The following RANBP3 variants were observed in gnomAD, a reference collection of about 807,000 sequenced individuals.
The protein encoded by RANBP3 is ran-binding protein 3.
In RANBP3, 14 loss-of-function variants were observed where a neutral mutation model predicts 77.3. That is an observed-to-expected ratio of 0.18 (90% CI 0.12 to 0.28). The LOEUF (loss-of-function observed/expected upper bound fraction) is 0.28, where lower values mean the gene tolerates loss of function less well. RANBP3 is among the 10% of genes least tolerant of loss of function. The pLI is 1.00. For missense variants in RANBP3, 586 were observed against 752.3 expected (o/e 0.78, Z 2.59); for synonymous variants, 315 against 312.4 (o/e 1.01, Z -0.09).
At position 5,941,813 on chromosome 19, in the gene RANBP3, G is replaced by A. The variant is rs775299113; in HGVS notation, c.305C>T (p.Pro102Leu). Residue 102 changes from proline (P) to leucine (L), a missense_variant, in exon 4 of 17, where the codon CCT (proline) becomes CTT (leucine). Pro to Leu is a moderately conservative substitution (Grantham distance 98). This residue lies in a region of RANBP3 where 172 missense variants were observed against 183.4 expected (regional missense o/e 0.94). Transcript: ENST00000340578. Reference sequence around the variant, plus strand: ...GAGCTCCTTACCTTCTCCGCCTTCAGGACTGGAGCCGCCAGCTGACCTCTG... The same window carrying A: ...GAGCTCCTTACCTTCTCCGCCTTCAAGACTGGAGCCGCCAGCTGACCTCTG... ...LAGRSAGGSS[P>L]EGGEDSDRED... 9.9e-6 allele frequency: 16 copies of A among 1,612,108 alleles called. No homozygotes were observed. Among genetic ancestry groups the A allele is most frequent in the African/African-American group, 1.3e-5 (1 of 74,846 alleles).
intron 1 of RANBP3, among the ~76,000 whole-genome samples, chr19:5,971,210 G>A (rs2058526459): frequency 6.6e-6 from 1 of 151,998 alleles, no homozygotes; most frequent in Non-Finnish European, 1.5e-5. Context: ...CTCCAGAAAG[G>A]TTTAGTTAAA....
chr19:5,931,649 C>T (rs2057993500), intron 7 of RANBP3, 118 bp from the exon 8 acceptor site: 4 of 1,051,754 alleles, frequency 3.8e-6, no homozygotes, highest in South Asian at 2.2e-5. Context: ...GTAAAGCCCA[C>T]AGCACATGTC....
chr19:5,977,704 C>T (rs1018334299), intron 1 of RANBP3, among the ~76,000 whole-genome samples: 3 of 152,244 alleles, frequency 2.0e-5, no homozygotes, highest in African/African-American at 7.2e-5. Context: ...GGGCCACAAC[C>T]AGGCCCTAAG....
intron 15 of RANBP3, 110 bp downstream of exon 15, chr19:5,918,386 A>ACGGGGGGGGGGGGGGGGGGGGGG: frequency 1.6e-6 from 1 of 617,696 alleles, no homozygotes; most frequent in Non-Finnish European, 2.5e-6. Flanking sequence ...GAAGCAACTG[A>ACGGGGGGGGGGGGGGGGGGGGGG]AGCCCCTCCC....
chr19:5,975,614 C>G (rs577410371), intron 1 of RANBP3, among the ~76,000 whole-genome samples: 7 of 148,228 alleles, frequency 4.7e-5, no homozygotes, highest in Non-Finnish European at 1.0e-4. Context: ...AATCCCTGAC[C>G]TCATGGAGCT....
Position 5,942,245 on chromosome 19 carries a change from C to T in RANBP3, c.283-410G>A, listed in dbSNP as rs150220751. On this transcript the variant is annotated intron_variant, in intron 3 of 16. Transcript: ENST00000340578. ...CTTGTGTAAAATGGTCACATCACAC[C>T]GGATAGGAGCGATTTCCCTTCCTTG... 8.1e-4 allele frequency among the ~76,000 whole-genome samples: 124 copies of T among 152,242 alleles called. No homozygotes were observed. The Middle Eastern group carries it at 0.024, about 29-fold the overall frequency.
intron 3 of RANBP3, among the ~76,000 whole-genome samples, chr19:5,949,147 C>T (rs4807825): frequency 0.71 from 107,343 of 152,058 alleles, 38,207 homozygotes; most frequent in Admixed American, 0.79. Context: ...CTAGATGTGA[C>T]GGATGAGACC....
At chr19:5,934,701 G>A (rs1276113228) in intron 5 of RANBP3, among the ~76,000 whole-genome samples, 1 of 152,094 alleles carries the variant, frequency 6.6e-6, no homozygotes, top group Non-Finnish European at 1.5e-5. Flanking sequence ...AGGCATGGTG[G>A]TACATGCCTG....
At chr19:5,966,681 G>C (rs538395605) in intron 1 of RANBP3, among the ~76,000 whole-genome samples, 1 of 152,344 alleles carries the variant, frequency 6.6e-6, no homozygotes, top group African/African-American at 2.4e-5. Context: ...AAACTAAATA[G>C]AAGAAACTAC....
At chr19:5,947,070 T>C (rs1368644556) in intron 3 of RANBP3, among the ~76,000 whole-genome samples, 1 of 151,912 alleles carries the variant, frequency 6.6e-6, no homozygotes, top group Non-Finnish European at 1.5e-5. Context: ...TCCCAGCACT[T>C]TGGGAGGCCT....
chr19:5,938,110 C>T (rs2058089563), intron 5 of RANBP3, among the ~76,000 whole-genome samples: 1 of 152,150 alleles, frequency 6.6e-6, no homozygotes, highest in Non-Finnish European at 1.5e-5. Flanking sequence ...TGAAACGGGG[C>T]CATCAACTCA....
intron 5 of RANBP3, among the ~76,000 whole-genome samples, chr19:5,939,297 G>A (rs914429480): frequency 6.6e-6 from 1 of 152,200 alleles, no homozygotes; most frequent in African/African-American, 2.4e-5. Context: ...CATGCAACCA[G>A]GCCCTGCTTG....
chr19:5,930,864 C>T (rs1385709992), intron 8 of RANBP3, among the ~76,000 whole-genome samples: 8 of 152,150 alleles, frequency 5.3e-5, no homozygotes, highest in Admixed American at 2.6e-4. Context: ...CTACCGTGTC[C>T]GGCCTAAACA....
rs544710163 is a variant in RANBP3 at position 5,966,159 on chromosome 19, C to G, written c.23-8186G>C. ...TCAGAGCTACAACACATACACTCTT[C>G]CCTTTAGAGAAATGACAGCAGGAAT... is the stretch of plus-strand genomic sequence containing the variant. On this transcript the variant is annotated intron_variant, in intron 1 of 16. Coordinates refer to ENST00000340578, the MANE Select transcript of RANBP3 (RefSeq NM_007322.3). 2.7e-4 allele frequency among the ~76,000 whole-genome samples: 41 copies of G among 152,334 alleles called. 1 individual carries two copies. The highest frequency in any genetic ancestry group is 8.9e-4 in the African/African-American group (37 of 41,574).
chr19:5,962,416 G>C (rs1005986818), intron 1 of RANBP3, among the ~76,000 whole-genome samples: 3 of 151,678 alleles, frequency 2.0e-5, no homozygotes, highest in Non-Finnish European at 4.4e-5. Flanking sequence ...TAGAAAGTGG[G>C]GCCTCGTCTG....
chr19:5,966,916 C>G (rs2058474371), intron 1 of RANBP3, among the ~76,000 whole-genome samples: 1 of 152,248 alleles, frequency 6.6e-6, no homozygotes. Context: ...ATATGGAAAG[C>G]ATCTCGCCAA....
intron 5 of RANBP3, among the ~76,000 whole-genome samples, chr19:5,938,133 A>G (rs998750046): frequency 4.6e-5 from 7 of 152,220 alleles, no homozygotes; most frequent in African/African-American, 1.7e-4. Flanking sequence ...GCTGAGAGTT[A>G]TAAGAACCCA....
At chr19:5,945,635 C>A (rs2145158020) in intron 3 of RANBP3, among the ~76,000 whole-genome samples, 1 of 152,282 alleles carries the variant, frequency 6.6e-6, no homozygotes, top group East Asian at 1.9e-4. Context: ...AAGTGTGGTA[C>A]CGAAGCCTCC....
intron 2 of RANBP3, among the ~76,000 whole-genome samples, chr19:5,954,219 A>G (rs1336832212): frequency 6.6e-6 from 1 of 152,164 alleles, no homozygotes; most frequent in African/African-American, 2.4e-5. Context: ...CTTGCACCCC[A>G]TCGGGTGTGG....
Sources: allele counts gnomAD v4.1 joint callset (sites outside exome capture counted in the v4.1 genomes callset), GRCh38; gene constraint gnomAD v4.1.1; regional missense constraint gnomAD v4.1.1; transcripts MANE v1.5; gene names NCBI Gene and HGNC (gene_info 2026-07-23, HGNC 2026-07-21).